The following MTOR variants were observed in gnomAD, a reference collection of about 807,000 sequenced individuals.
The protein encoded by MTOR is mechanistic target of rapamycin kinase, also known as serine/threonine-protein kinase mTOR.
Under a neutral mutation model 319.8 loss-of-function variants are expected in MTOR, and 70 were observed. The observed-to-expected ratio is 0.22, with a 90% CI of 0.18 to 0.27. The LOEUF (loss-of-function observed/expected upper bound fraction) is 0.27. Ranked by LOEUF, MTOR falls within the 10% of genes least tolerant of loss-of-function variation. The pLI, the probability that MTOR is intolerant of heterozygous loss-of-function variation, is 1.00. For missense variants in MTOR, 1,890 were observed against 3,274.4 expected, an observed-to-expected ratio of 0.58 and a Z score of 10.32; for synonymous variants, 1,183 against 1,211.4, an observed-to-expected ratio of 0.98 and a Z score of 0.49.
At chr1:11,203,875 T>C (rs926026671) in intron 26 of MTOR, among the ~76,000 whole-genome samples, 3 of 152,152 alleles carry the variant, frequency 2.0e-5, no homozygotes, top group African/African-American at 7.2e-5. Flanking sequence ...CTTCCAAGAC[T>C]CTTTATGACT....
intron 38 of MTOR, 124 bp downstream of exon 38, chr1:11,132,956 G>T: frequency 2.6e-6 from 2 of 767,834 alleles, no homozygotes; most frequent in South Asian, 1.6e-5. Context: ...AGGCTCCAGG[G>T]ACTCAAGGAG....
intron 13 of MTOR, among the ~76,000 whole-genome samples, chr1:11,237,081 T>C (rs539206971): frequency 1.3e-5 from 2 of 152,266 alleles, no homozygotes; most frequent in African/African-American, 4.8e-5. Flanking sequence ...AGTGTTTACT[T>C]CAAAACAAAC....
At position 11,216,190 on chromosome 1, in the gene MTOR, G is replaced by T; in HGVS notation, c.3075C>A (p.Ser1025Arg). The change falls in exon 20 of 58, where the codon AGC (serine) becomes AGA (arginine). Residue 1025 changes from serine to arginine, a missense_variant. This residue lies in a region of MTOR where 377 missense variants were observed against 653.9 expected (regional missense o/e 0.58). Transcript: ENST00000361445. Reference sequence around the variant, plus strand: ...TTTCATCCATATAAGGTCTGATGTGGCTCTTCACAAAGGACACCAACATTC... The same window carrying T: ...TTTCATCCATATAAGGTCTGATGTGTCTCTTCACAAAGGACACCAACATTC... ...QLGMLVSFVK[S>R]HIRPYMDEIV... is the part of the protein sequence containing the mutation. 6.2e-7 allele frequency: 1 copy of T among 1,613,896 alleles called. No individual in the cohort carries two copies. The highest frequency in any genetic ancestry group is 8.5e-7 in the Non-Finnish European group (1 of 1,179,852).
chr1:11,243,222 T>C lies in MTOR; in HGVS notation c.1304A>G (p.Gln435Arg). Residue 435 changes from glutamine (Q) to arginine (R), a missense_variant, in exon 9 of 58, where the codon CAA becomes CGA. This residue lies in a region of MTOR where 418 missense variants were observed against 543.1 expected (regional missense o/e 0.77). Coordinates refer to ENST00000361445, the MANE Select transcript of MTOR (RefSeq NM_004958.4). ...KKEKERTAAF[Q>R]ALGLLSVAVR... The stretch of plus-strand genomic sequence containing the variant: ...AGCCACAGAAAGTAGCCCCAGGGCT[T>C]GGAAGGCCGCTGTACGTTCCTTCTC... 1 of 1,614,184 alleles carries C rather than the reference T, an allele frequency of 6.2e-7. No homozygotes were observed. Among genetic ancestry groups the C allele is most frequent in the Non-Finnish European group, 8.5e-7 (1 of 1,180,034 alleles).
At chr1:11,185,878 G>A (rs941064148) in intron 28 of MTOR, among the ~76,000 whole-genome samples, 9 of 151,902 alleles carry the variant, frequency 5.9e-5, no homozygotes, top group South Asian at 2.1e-4. Flanking sequence ...TCAGGAGATC[G>A]AGACCATCCT....
intron 6 of MTOR, among the ~76,000 whole-genome samples, chr1:11,253,474 C>T (rs1447676228): frequency 2.0e-5 from 3 of 152,150 alleles, no homozygotes; most frequent in Non-Finnish European, 2.9e-5. Flanking sequence ...GGTACACCAG[C>T]CATACTTCCC....
chr1:11,216,040 T>C, intron 20 of MTOR, 108 bp downstream of exon 20: 1 of 726,818 alleles, frequency 1.4e-6, no homozygotes, highest in Non-Finnish European at 2.3e-6. Context: ...ACTAAGACTG[T>C]AACAGCTCTA....
intron 4 of MTOR, 26 bp from the exon 5 acceptor site, chr1:11,256,218 T>C (rs1267395071): frequency 6.2e-7 from 1 of 1,602,684 alleles, no homozygotes; most frequent in South Asian, 1.1e-5. Context: ...AACCGAGAAC[T>C]CTCATTGGTA....
At chr1:11,158,176 AATGACT>A (rs1328468985) in intron 29 of MTOR, among the ~76,000 whole-genome samples, 1 of 152,122 alleles carries the variant, frequency 6.6e-6, no homozygotes, top group Non-Finnish European at 1.5e-5. Flanking sequence ...CAGCTCAATA[AATGACT>A]ATTTTTGCAC....
intron 28 of MTOR, among the ~76,000 whole-genome samples, chr1:11,180,014 T>C (rs1178252071): frequency 6.6e-6 from 1 of 152,172 alleles, no homozygotes; most frequent in African/African-American, 2.4e-5. Context: ...TGGACTCAAG[T>C]GATCCTCCTG....
Position 11,209,329 on chromosome 1 carries a change from T to C in MTOR, c.3784A>G (p.Thr1262Ala). ...TGPMKKLHVS[T>A]INLQKAWGAA... Reference sequence around the variant, plus strand: ...GGACTTGCCTTTTGGAGGTTGATGGTGCTGACGTGCAGTTTCTTCATGGGT... The same window carrying C: ...GGACTTGCCTTTTGGAGGTTGATGGCGCTGACGTGCAGTTTCTTCATGGGT... Residue 1262 changes from threonine to alanine, a missense_variant, in exon 25 of 58, where the codon ACC (threonine) becomes GCC (alanine). Transcript: ENST00000361445. The C allele has an allele frequency of 6.2e-7, 1 of 1,614,232 alleles. No homozygotes were observed. The highest frequency in any genetic ancestry group is 8.5e-7 in the Non-Finnish European group (1 of 1,180,042).
chr1:11,161,695 A>C (rs1644484613), intron 29 of MTOR, among the ~76,000 whole-genome samples: 2 of 152,202 alleles, frequency 1.3e-5, no homozygotes, highest in African/African-American at 4.8e-5. Context: ...GACCTCCAGC[A>C]AACTCCAACA....
At chr1:11,226,137 C>T (rs756142457) in intron 19 of MTOR, 4 of 152,128 alleles carry the variant, frequency 2.6e-5, no homozygotes, top group Non-Finnish European at 4.4e-5. Flanking sequence ...ATATTTAACA[C>T]ATTAAAAGAG....
At chr1:11,110,463 C>A (rs1641803390) in intron 54 of MTOR, among the ~76,000 whole-genome samples, 1 of 152,020 alleles carries the variant, frequency 6.6e-6, no homozygotes, top group Non-Finnish European at 1.5e-5. Flanking sequence ...AGTGCAGTGG[C>A]ATGATATCGG....
chr1:11,159,658 T>C (rs1001765056), intron 29 of MTOR, among the ~76,000 whole-genome samples: 3 of 150,904 alleles, frequency 2.0e-5, no homozygotes, highest in Non-Finnish European at 4.4e-5. Flanking sequence ...AAAAAAAAGA[T>C]AATATGTGCT....
intron 28 of MTOR, among the ~76,000 whole-genome samples, chr1:11,186,894 C>A (rs1645337804): frequency 6.6e-6 from 1 of 152,120 alleles, no homozygotes; most frequent in Non-Finnish European, 1.5e-5. Flanking sequence ...TTATGCAATT[C>A]AAGAGCTTCT....
intron 24 of MTOR, among the ~76,000 whole-genome samples, chr1:11,210,245 C>T (rs1258544170): frequency 6.6e-6 from 1 of 152,218 alleles, no homozygotes; most frequent in African/African-American, 2.4e-5. Context: ...TCACTGCAGC[C>T]TCAGGTGATC....
In MTOR at chr1:11,234,172, T is replaced by C. The variant is rs1272479538; in HGVS notation, c.2302A>G (p.Ile768Val). 1 of 1,614,062 alleles carries C rather than the reference T, an allele frequency of 6.2e-7. No homozygotes were observed. The highest frequency in any genetic ancestry group is 1.3e-5 in the African/African-American group (1 of 74,920). The change falls in exon 14 of 58, where the codon ATC (isoleucine) becomes GTC (valine). Residue 768 changes from isoleucine to valine, a missense_variant. Transcript: ENST00000361445. Reference protein sequence around the residue: ...GHLVSNAPRLIRPYMEPILKA... With the variant: ...GHLVSNAPRLVRPYMEPILKA... ...AGAATAGGCTCCATGTAGGGGCGGATGAGTCGGGGGGCATTGGAGACCAGG... is the reference window on the plus strand; with the variant it reads ...AGAATAGGCTCCATGTAGGGGCGGACGAGTCGGGGGGCATTGGAGACCAGG...
intron 31 of MTOR, among the ~76,000 whole-genome samples, chr1:11,148,751 T>C (rs1644031996): frequency 6.6e-6 from 1 of 151,732 alleles, no homozygotes; most frequent in Non-Finnish European, 1.5e-5. Context: ...AATAGAAAAA[T>C]TAGCCGGGCG....
Sources: gnomAD v4.1 joint callset for allele counts (sites outside exome capture counted in the v4.1 genomes callset) on GRCh38, gnomAD v4.1.1 for gene constraint, gnomAD v4.1.1 regional missense constraint, MANE v1.5 for transcripts, NCBI Gene and HGNC (gene_info 2026-07-23, HGNC 2026-07-21) for gene names.